HSPG2: variants seen among roughly 807,000 people sequenced by gnomAD.
The protein encoded by HSPG2 is basement membrane-specific heparan sulfate proteoglycan core protein.
A neutral mutation model predicts 526.6 loss-of-function variants in HSPG2; 278 were observed. The ratio of observed to expected loss-of-function variants is 0.53; its 90% CI spans 0.48 to 0.58. The LOEUF is 0.58. Ranked by LOEUF, HSPG2 falls within the 20% of genes least tolerant of loss-of-function variation. HSPG2 has a pLI of 0.00. For synonymous variants in HSPG2, 2,465 were observed against 2,555.4 expected, an observed-to-expected ratio of 0.96 and a Z score of 1.07; for missense variants, 5,354 against 6,099.5, an observed-to-expected ratio of 0.88 and a Z score of 4.07.
chr1:21,853,014 C>G lies in HSPG2; in HGVS notation c.6496G>C (p.Gly2166Arg). Residue 2166 changes from glycine (G) to arginine (R), a missense_variant, in exon 51 of 97, where the codon GGG (glycine) becomes CGG (arginine). Physicochemically the swap from Gly to Arg is moderately radical, Grantham distance 125. Transcript: ENST00000374695. ...IEPSSSHVAE[G>R]QTLDLNCVVP... ...ACGCAGTTCAGATCCAGGGTCTGCC[C>G]TTCCGCCACGTGTGAGGAGGAGGGC... 1 of 1,613,900 alleles carries G rather than the reference C, an allele frequency of 6.2e-7. No homozygotes were observed.
At chr1:21,827,838 G>T in intron 91 of HSPG2, 25 bp downstream of exon 91, 1 of 1,568,148 alleles carries the variant, frequency 6.4e-7, no homozygotes. Context: ...CTGAAGCTGG[G>T]GAGGAGGCCA....
chr1:21,927,176 C>T (rs1644219895), intron 1 of HSPG2, among the ~76,000 whole-genome samples: 1 of 152,112 alleles, frequency 6.6e-6, no homozygotes, highest in Non-Finnish European at 1.5e-5. Context: ...CAGGCCCCAG[C>T]CAGGCCTCCC....
rs558302026 is a variant in HSPG2, at chr1:21,907,867, G to T, written c.64-11557C>A. Among the ~76,000 whole-genome samples the T allele has an allele frequency of 2.0e-4, 30 of 152,294 alleles. No individual in the cohort carries two copies. The South Asian group carries it at 6.2e-3, about 32-fold the overall frequency. ...CTCACCTACATAAATATCTGGTTCA[G>T]CCCTTGGTTAGCTGTGAGGCCATGA... is the stretch of plus-strand genomic sequence containing the variant. On this transcript the variant is annotated intron_variant, in intron 1 of 96. Coordinates refer to ENST00000374695, the MANE Select transcript of HSPG2 (RefSeq NM_005529.7).
At chr1:21,917,742 T>A (rs1433198950) in intron 1 of HSPG2, among the ~76,000 whole-genome samples, 2 of 152,184 alleles carry the variant, frequency 1.3e-5, no homozygotes, top group Admixed American at 1.3e-4. Context: ...AATCTATTCA[T>A]CCATCCTTCA....
intron 1 of HSPG2, among the ~76,000 whole-genome samples, chr1:21,918,252 G>A (rs189282469): frequency 6.6e-6 from 1 of 152,206 alleles, no homozygotes; most frequent in African/African-American, 2.4e-5. Flanking sequence ...ATCACCTGAG[G>A]TCAGGAGTTC....
intron 64 of HSPG2, among the ~76,000 whole-genome samples, chr1:21,845,259 A>C (rs1378080121): frequency 6.6e-6 from 1 of 152,104 alleles, no homozygotes; most frequent in Non-Finnish European, 1.5e-5. Context: ...ACAAAACAAA[A>C]CAAAAAAAAC....
At position 21,829,583 on chromosome 1, in the gene HSPG2, G is replaced by A. The variant is rs140495401; in HGVS notation, c.11792C>T (p.Ser3931Leu). Reference protein sequence around the residue: ...CEEGVTVTTPSLSGAGSYLAL... With the variant: ...CEEGVTVTTPLLSGAGSYLAL... ...CAGGTAGGAGCCAGCACCCGACAGC[G>A]AGGGGGTGGTCACTGTCACACCTGC... is the stretch of plus-strand genomic sequence containing the variant. The change falls in exon 87 of 97, where the codon TCG becomes TTG. Residue 3931 changes from serine (S) to leucine (L), a missense_variant. Physicochemically the swap from Ser to Leu is moderately radical, Grantham distance 145 (BLOSUM62 -2). Transcript: ENST00000374695. 5.6e-5 allele frequency: 90 copies of A among 1,607,430 alleles called. No homozygotes were observed. The highest frequency in any genetic ancestry group is 7.5e-5 in the Non-Finnish European group (88 of 1,176,170).
chr1:21,844,083 C>A (rs961734005), intron 65 of HSPG2, 65 bp downstream of exon 65: 18 of 1,592,840 alleles, frequency 1.1e-5, no homozygotes, highest in Non-Finnish European at 1.5e-5. Flanking sequence ...TTCCCTTCAA[C>A]GCTGGATTCA....
chr1:21,882,855 C>T (rs1299144120), intron 13 of HSPG2, among the ~76,000 whole-genome samples: 1 of 152,146 alleles, frequency 6.6e-6, no homozygotes, highest in African/African-American at 2.4e-5. Flanking sequence ...ATAGCTTCTC[C>T]CCCTCATCCT....
chr1:21,841,509 C>T, intron 70 of HSPG2, 30 bp downstream of exon 70: 1 of 1,613,974 alleles, frequency 6.2e-7, no homozygotes, highest in Non-Finnish European at 8.5e-7. Flanking sequence ...GGAAACAGGG[C>T]AGAGCCCCAC....
intron 1 of HSPG2, among the ~76,000 whole-genome samples, chr1:21,932,676 G>C (rs1644377486): frequency 6.6e-6 from 1 of 152,224 alleles, no homozygotes. Context: ...GAAAGAGGGA[G>C]AGGGTCATAT....
At chr1:21,914,828 T>C (rs1298409723) in intron 1 of HSPG2, among the ~76,000 whole-genome samples, 1 of 152,058 alleles carries the variant, frequency 6.6e-6, no homozygotes, top group Non-Finnish European at 1.5e-5. Context: ...CGGGCAGGTG[T>C]GAATGCCAGG....
In HSPG2 at chr1:21,877,746, C is replaced by A. The variant is rs181345208; in HGVS notation, c.2685+440G>T. Among the ~76,000 whole-genome samples, 87 of 152,298 alleles carry A rather than the reference C, an allele frequency of 5.7e-4. 1 individual carries two copies. In the East Asian group the frequency reaches 0.015, roughly 27 times the overall value. ...CTCCTGACCTCAAGTGATCCACCCA[C>A]CTCAGCCTCCCAAAGTGCTGGGATT... On this transcript the variant is annotated intron_variant, in intron 21 of 96. Coordinates refer to ENST00000374695, the MANE Select transcript of HSPG2 (RefSeq NM_005529.7).
intron 71 of HSPG2, among the ~76,000 whole-genome samples, chr1:21,840,284 T>C (rs566092204): frequency 1.3e-5 from 2 of 151,974 alleles, no homozygotes; most frequent in Admixed American, 6.6e-5. Context: ...ACTACAGGTA[T>C]GTGCCACCAC....
intron 39 of HSPG2, among the ~76,000 whole-genome samples, chr1:21,861,542 G>C (rs1639789218): frequency 6.6e-6 from 1 of 152,040 alleles, no homozygotes; most frequent in African/African-American, 2.4e-5. Context: ...CTAAAGTACA[G>C]AGTTGGGTGT....
rs1572307301 is a variant in HSPG2, at chr1:21,872,624, T to A, written c.4025A>T (p.His1342Leu). 1.3e-6 allele frequency: 2 copies of A among 1,585,058 alleles called. No individual in the cohort carries two copies. The highest frequency in any genetic ancestry group is 1.7e-6 in the Non-Finnish European group (2 of 1,167,434). The change falls in exon 32 of 97, where the codon CAC becomes CTC. Residue 1342 changes from histidine (H) to leucine (L), a missense_variant. By Grantham distance (99) the His-to-Leu change is moderately conservative (BLOSUM62 -3). Coordinates refer to ENST00000374695, the MANE Select transcript of HSPG2 (RefSeq NM_005529.7). The surrounding 1 kb of genome is among the most constrained non-coding windows in gnomAD (Gnocchi z 5.5). ...CTGGGCAGCACAGGCTCTCACCAGG[T>A]GGCGTGTGTAGGCAGAGCTGGCGCA... Reference protein sequence around the residue: ...QQCASSAYTRHLISTHFAPGD... With the variant: ...QQCASSAYTRLLISTHFAPGD...
At chr1:21,878,280 G>A in intron 20 of HSPG2, 27 bp from the exon 21 acceptor site, 1 of 1,612,334 alleles carries the variant, frequency 6.2e-7, no homozygotes, top group Middle Eastern at 1.7e-4. Context: ...GTGTTGGCAG[G>A]GCAGGTGGGA....
In HSPG2 at chr1:21,874,595, C is replaced by T. The variant is rs367892673; in HGVS notation, c.3528+21G>A. On this transcript the variant is annotated intron_variant, in intron 27 of 96. Transcript: ENST00000374695. ...AGAGGCCACAGATTGCTGGGGTGGG[C>T]GGAAGGAGGGCGGGACTTACCTGGC... 1.7e-4 allele frequency: 269 copies of T among 1,613,538 alleles called. 1 individual carries two copies. The highest frequency in any genetic ancestry group is 2.0e-4 in the Non-Finnish European group (232 of 1,179,722).
In HSPG2 at chr1:21,859,740, C is replaced by A. The variant is rs184526682; in HGVS notation, c.5183-64G>T. On this transcript the variant is annotated intron_variant, in intron 41 of 96. Transcript: ENST00000374695. The surrounding 1 kb of genome is among the most constrained non-coding windows in gnomAD (Gnocchi z 5.3). ...ACTCTTTCTCACATCCAGCCCCATG[C>A]ACAAGGACAGCATCCCACTAGGGCA... is the stretch of plus-strand genomic sequence containing the variant. 2 of 1,583,698 alleles carry A rather than the reference C, an allele frequency of 1.3e-6. No individual in the cohort carries two copies. The highest frequency in any genetic ancestry group is 1.7e-6 in the Non-Finnish European group (2 of 1,163,176).
Sources: allele counts gnomAD v4.1 joint callset (sites outside exome capture counted in the v4.1 genomes callset), GRCh38; gene constraint gnomAD v4.1.1; non-coding constraint Gnocchi (gnomAD v3.1); transcripts MANE v1.5; gene names NCBI Gene and HGNC (gene_info 2026-07-23, HGNC 2026-07-21).